KCNH8: variants seen among roughly 807,000 people sequenced by gnomAD.
KCNH8 encodes potassium voltage-gated channel subfamily H member 8, also known as voltage-gated delayed rectifier potassium channel KCNH8.
In KCNH8, 70 loss-of-function variants were observed where a neutral mutation model predicts 103.6. That is an observed-to-expected ratio of 0.68 (90% CI 0.56 to 0.82). The LOEUF is 0.82. KCNH8 is among the 40% of genes least tolerant of loss of function. The pLI, the probability that KCNH8 is intolerant of heterozygous loss-of-function variation, is 0.00. For synonymous variants in KCNH8, 498 were observed against 489.4 expected (o/e 1.02, Z -0.23); for missense variants, 1,217 against 1,329.9 (o/e 0.92, Z 1.32).
intron 8 of KCNH8, among the ~76,000 whole-genome samples, chr3:19,444,258 CG>C (rs2067329297): frequency 6.6e-6 from 1 of 151,982 alleles, no homozygotes; most frequent in Non-Finnish European, 1.5e-5. Context: ...ATTTGTGATA[CG>C]GATGCTACTT....
chr3:19,376,646 A>T (rs1050035530), intron 5 of KCNH8, among the ~76,000 whole-genome samples: 4 of 152,148 alleles, frequency 2.6e-5, no homozygotes, highest in African/African-American at 9.7e-5. Flanking sequence ...TTTTAAATTT[A>T]CTAATGTATT....
At chr3:19,260,440 T>G (rs1182050936) in intron 2 of KCNH8, among the ~76,000 whole-genome samples, 1 of 143,062 alleles carries the variant, frequency 7.0e-6, no homozygotes, top group Non-Finnish European at 1.5e-5. Context: ...ATTACTTACT[T>G]AAAAACATTT....
intron 2 of KCNH8, among the ~76,000 whole-genome samples, chr3:19,260,275 G>A (rs1049567204): frequency 6.6e-6 from 1 of 150,752 alleles, no homozygotes; most frequent in African/African-American, 2.4e-5. Flanking sequence ...TGGGCAACAC[G>A]CTATGTTCAT....
intron 1 of KCNH8, among the ~76,000 whole-genome samples, chr3:19,229,398 T>C (rs148796977): frequency 1.4e-3 from 211 of 152,326 alleles, no homozygotes; most frequent in African/African-American, 4.7e-3. Flanking sequence ...TTCTGAAATC[T>C]AGGTGGAGGT....
chr3:19,342,588 C>T lies in KCNH8; in HGVS notation c.444C>T (p.Asp148=), dbSNP rs2065675391. 1 of 1,608,922 alleles carries T rather than the reference C, an allele frequency of 6.2e-7. No individual in the cohort carries two copies. The highest frequency in any genetic ancestry group is 8.5e-7 in the Non-Finnish European group (1 of 1,176,740). The stretch of plus-strand genomic sequence containing the variant: ...CTAATGAGTTTTATTTTCCCCCAGA[C>T]AAAGTCAAAGGAAGATCAAGAGCAG... The part of the protein sequence containing the change: ...VKITPEDKKE[D]KVKGRSRAGT... The change falls in exon 4 of 16, where the codon GAC becomes GAT. Residue 148 remains aspartate (D), a splice_region_variant and synonymous_variant. Transcript: ENST00000328405.
chr3:19,534,115 T>C lies in KCNH8; in HGVS notation c.*16T>C. 2 of 1,579,284 alleles carry C rather than the reference T, an allele frequency of 1.3e-6. No homozygotes were observed. Among genetic ancestry groups the C allele is most frequent in the Non-Finnish European group, 1.7e-6 (2 of 1,152,130 alleles). On this transcript the variant is annotated 3_prime_UTR_variant, in exon 16 of 16. Coordinates refer to ENST00000328405, the MANE Select transcript of KCNH8 (RefSeq NM_144633.3). ...AAATGTATGATATTAGTGCCCATGA[T>C]GCAGCAGCTAATTTCAAACCTACCA... is the stretch of plus-strand genomic sequence containing the variant.
At chr3:19,384,349 C>G (rs2066327601) in intron 5 of KCNH8, among the ~76,000 whole-genome samples, 1 of 152,098 alleles carries the variant, frequency 6.6e-6, no homozygotes, top group African/African-American at 2.4e-5. Flanking sequence ...GGGCTCTGCA[C>G]AAGGCAAAGA....
intron 5 of KCNH8, among the ~76,000 whole-genome samples, chr3:19,352,923 C>CA (rs1346570084): frequency 1.3e-4 from 20 of 151,342 alleles, no homozygotes; most frequent in Non-Finnish European, 2.4e-4. Context: ...AAAAAACCTT[C>CA]AAAAAATCAA....
chr3:19,363,096 A>G (rs1437186310), intron 5 of KCNH8, among the ~76,000 whole-genome samples: 2 of 152,264 alleles, frequency 1.3e-5, no homozygotes, highest in Non-Finnish European at 2.9e-5. Context: ...CTGAGGATTC[A>G]TTTACTACTT....
chr3:19,430,867 G>C (rs1029205640), intron 7 of KCNH8, among the ~76,000 whole-genome samples: 1 of 152,132 alleles, frequency 6.6e-6, no homozygotes, highest in African/African-American at 2.4e-5. Context: ...TTGTGTATCA[G>C]CTTAAGAAGC....
rs545161539 is a variant in KCNH8 at position 19,197,233 on chromosome 3, C to A, written c.76+48438C>A. ...ACTCCAGAATTTAATCCACCCCCAA[C>A]AATTTTGCCCTCTATACCCTCCAAT... is the stretch of plus-strand genomic sequence containing the variant. On this transcript the variant is annotated intron_variant, in intron 1 of 15. Coordinates refer to ENST00000328405, the MANE Select transcript of KCNH8 (RefSeq NM_144633.3). Among the ~76,000 whole-genome samples the A allele has an allele frequency of 2.6e-5, 4 of 152,186 alleles. No homozygotes were observed. The South Asian group carries it at 8.3e-4, about 32-fold the overall frequency.
chr3:19,327,775 G>A (rs1400622365), intron 3 of KCNH8, among the ~76,000 whole-genome samples: 1 of 152,094 alleles, frequency 6.6e-6, no homozygotes, highest in African/African-American at 2.4e-5. Flanking sequence ...AAAGACACAG[G>A]TTTTAGAAAC....
chr3:19,328,782 G>A (rs2065466021), intron 3 of KCNH8, among the ~76,000 whole-genome samples: 1 of 152,104 alleles, frequency 6.6e-6, no homozygotes, highest in South Asian at 2.1e-4. Flanking sequence ...ACCGATATTT[G>A]ACTAAGCATT....
intron 1 of KCNH8, among the ~76,000 whole-genome samples, chr3:19,247,354 T>C (rs558155494): frequency 1.1e-3 from 175 of 152,326 alleles, no homozygotes; most frequent in Non-Finnish European, 1.9e-3. Context: ...CAATATAAAG[T>C]GCAAAGATCA....
intron 5 of KCNH8, among the ~76,000 whole-genome samples, chr3:19,363,844 T>A (rs1414445093): frequency 1.3e-5 from 2 of 152,160 alleles, no homozygotes; most frequent in Non-Finnish European, 2.9e-5. Context: ...ATAGTCATTT[T>A]CCTGAAAACT....
At chr3:19,487,526 C>T (rs1053143347) in intron 11 of KCNH8, among the ~76,000 whole-genome samples, 4 of 152,110 alleles carry the variant, frequency 2.6e-5, no homozygotes, top group African/African-American at 7.2e-5. Context: ...CTCTGGGAAC[C>T]GGATACTGCT....
intron 1 of KCNH8, among the ~76,000 whole-genome samples, chr3:19,173,275 T>A (rs1004650284): frequency 1.3e-5 from 2 of 152,194 alleles, no homozygotes; most frequent in African/African-American, 4.8e-5. Context: ...GATTTCTCCC[T>A]GAGCACTGGA....
intron 3 of KCNH8, among the ~76,000 whole-genome samples, chr3:19,315,801 TGGTTGAGG>T (rs2065265760): frequency 1.3e-5 from 2 of 151,940 alleles, no homozygotes; most frequent in Non-Finnish European, 2.9e-5. Context: ...TGGATGCAAG[TGGTTGAGG>T]CACTATAATT....
chr3:19,335,015 CATA>C (rs1198704927), intron 3 of KCNH8, among the ~76,000 whole-genome samples: 1 of 151,636 alleles, frequency 6.6e-6, no homozygotes, highest in African/African-American at 2.4e-5. Flanking sequence ...CCCAATTTTC[CATA>C]ATGAGTTTAA....
Sources: allele counts gnomAD v4.1 joint callset (sites outside exome capture counted in the v4.1 genomes callset), GRCh38; gene constraint gnomAD v4.1.1; transcripts MANE v1.5; gene names NCBI Gene and HGNC (gene_info 2026-07-23, HGNC 2026-07-21).